ABHD12B: variants seen among roughly 807,000 people sequenced by gnomAD.
The protein encoded by ABHD12B is protein ABHD12B.
Under a neutral mutation model 50.4 loss-of-function variants are expected in ABHD12B, and 42 were observed. The ratio of observed to expected loss-of-function variants is 0.83; its 90% CI spans 0.65 to 1.08. ABHD12B has a LOEUF of 1.08. Ranked by LOEUF, ABHD12B falls within the 50% of genes least tolerant of loss-of-function variation. The pLI is 0.00. For missense variants in ABHD12B, 479 were observed against 447.7 expected, an observed-to-expected ratio of 1.07 and a Z score of -0.63; for synonymous variants, 167 against 160.3, an observed-to-expected ratio of 1.04 and a Z score of -0.32.
In ABHD12B at chr14:50,904,078, A is replaced by G. The variant is rs1179666368; in HGVS notation, c.947A>G (p.Tyr316Cys). ...GTCTCTTTCTGTCGCTTGCAGCTCT[A>G]TGAAATTGCACGCAATGCATACAGG... ...TVPLEYGKKL[Y>C]EIARNAYRNK... is the part of the protein sequence containing the mutation. The change falls in exon 12 of 13, where the codon TAT becomes TGT. Residue 316 changes from tyrosine (Y) to cysteine (C), a missense_variant. Coordinates refer to ENST00000337334, the MANE Select transcript of ABHD12B (RefSeq NM_001206673.2). The G allele has an allele frequency of 4.3e-6, 7 of 1,612,336 alleles. No individual in the cohort carries two copies. The highest frequency in any genetic ancestry group is 2.7e-5 in the African/African-American group (2 of 74,816).
intron 1 of ABHD12B, among the ~76,000 whole-genome samples, chr14:50,876,408 T>C (rs978224272): frequency 3.9e-5 from 6 of 152,208 alleles, no homozygotes; most frequent in Admixed American, 6.5e-5. Flanking sequence ...GGGAATTAAT[T>C]TTTTTAGAGG....
Position 50,872,055 on chromosome 14 carries a change from C to A in ABHD12B, c.-120C>A. 2 of 673,022 alleles carry A rather than the reference C, an allele frequency of 3.0e-6. No individual in the cohort carries two copies. The highest frequency in any genetic ancestry group is 5.2e-4 in the Middle Eastern group (1 of 1,906). 41.7% of individuals were successfully genotyped at this position (673,022 alleles called of 1,614,324 possible). On this transcript the variant is annotated 5_prime_UTR_variant, in exon 1 of 13. Transcript: ENST00000337334. ...GGCCGCGTCTCCCCCGCCGTACCAG[C>A]CTGCCTGACCGCGCGGAGGAGGAGG...
Position 50,873,687 on chromosome 14 carries a change from T to C in ABHD12B, c.104+1409T>C, listed in dbSNP as rs73284726. On this transcript the variant is annotated intron_variant, in intron 1 of 12. Coordinates refer to ENST00000337334, the MANE Select transcript of ABHD12B (RefSeq NM_001206673.2). Reference sequence around the variant, plus strand: ...ATATTAACAGGACTTCTCTCCCAGATGTGGTGATTCTGGGAACGTTGACAT... The same window carrying C: ...ATATTAACAGGACTTCTCTCCCAGACGTGGTGATTCTGGGAACGTTGACAT... 6.2e-3 allele frequency among the ~76,000 whole-genome samples: 951 copies of C among 152,340 alleles called. 13 individuals carry two copies. Among genetic ancestry groups the C allele is most frequent in the African/African-American group, 0.022 (914 of 41,566 alleles).
rs377112021 is a variant in ABHD12B at position 50,880,444 on chromosome 14, C to T, written c.336-8C>T. ...TCTACATTTGTTTAAACCTCCCTTG[C>T]TCTTCAGGCACACAGTCCCCAGCTG... On this transcript the variant is annotated splice_region_variant and splice_polypyrimidine_tract_variant and intron_variant, in intron 3 of 12. Transcript: ENST00000337334. 51 of 1,594,690 alleles carry T rather than the reference C, an allele frequency of 3.2e-5. No homozygotes were observed. Among genetic ancestry groups the T allele is most frequent in the Non-Finnish European group, 4.1e-5 (48 of 1,172,306 alleles).
chr14:50,874,736 A>G (rs1392505387), intron 1 of ABHD12B, among the ~76,000 whole-genome samples: 2 of 152,202 alleles, frequency 1.3e-5, no homozygotes, highest in African/African-American at 4.8e-5. Flanking sequence ...TGCTCAGAAA[A>G]TGTGCAGGAG....
At chr14:50,881,934 T>C (rs2049956861) in intron 5 of ABHD12B, among the ~76,000 whole-genome samples, 1 of 135,096 alleles carries the variant, frequency 7.4e-6, no homozygotes, top group South Asian at 2.3e-4. Context: ...GAGGTTTTTT[T>C]TGTTGTCGTT....
rs35439744 is a variant in ABHD12B, at chr14:50,884,702, CTTTTTTTTTTTTT to C, written c.487-892_487-880del. On this transcript the variant is annotated intron_variant, in intron 5 of 12. Transcript: ENST00000337334. ...TTCTTTATCTATGATTGTATTTCTTCTTTTTTTTTTTTTTTTTTTTTTTTTTTTTTTTGAGACA... is the reference window on the plus strand; with the variant it reads ...TTCTTTATCTATGATTGTATTTCTTCTTTTTTTTTTTTTTTTTTTGAGACA... 1.6e-5 allele frequency among the ~76,000 whole-genome samples: 2 copies of C among 126,594 alleles called. 1 individual carries two copies. Among genetic ancestry groups the C allele is most frequent in the Non-Finnish European group, 3.3e-5 (2 of 60,364 alleles). The allele number at this position is 126,594 out of a possible 152,430, so 83.1% of individuals were successfully genotyped here.
rs2050307919 is a variant in ABHD12B at position 50,904,680 on chromosome 14, G to T, written c.*314G>T. The T allele has an allele frequency of 2.3e-6, 1 of 437,668 alleles. No homozygotes were observed. Among genetic ancestry groups the T allele is most frequent in the African/African-American group, 2.0e-5 (1 of 50,614 alleles). The allele number at this position is 437,668 out of a possible 1,614,324, so 27.1% of individuals were successfully genotyped here. A position where few individuals can be genotyped will look rare whatever the true frequency, so the allele number is the denominator to read the frequency against. The stretch of plus-strand genomic sequence containing the variant: ...TCTGTGGATATTTGTGAATAAGGTA[G>T]TTGCTATGGTCCGAATATCTGGGCC... On this transcript the variant is annotated 3_prime_UTR_variant, in exon 13 of 13. Coordinates refer to ENST00000337334, the MANE Select transcript of ABHD12B (RefSeq NM_001206673.2).
chr14:50,883,490 A>G (rs925257548), intron 5 of ABHD12B, among the ~76,000 whole-genome samples: 1 of 152,064 alleles, frequency 6.6e-6, no homozygotes, highest in African/African-American at 2.4e-5. Flanking sequence ...TACCATGTTT[A>G]TTCATTTTTA....
intron 10 of ABHD12B, 52 bp from the exon 11 acceptor site, chr14:50,903,337 A>T: frequency 7.1e-7 from 1 of 1,405,472 alleles, no homozygotes; most frequent in Non-Finnish European, 1.0e-6. Context: ...GAAGAGGAGA[A>T]ATCTCAATGT....
chr14:50,892,491 G>A (rs2050133581), intron 9 of ABHD12B: 2 of 985,306 alleles, frequency 2.0e-6, no homozygotes, highest in African/African-American at 3.5e-5. Context: ...AGGGGCGGGA[G>A]GATGGCGTAA....
chr14:50,892,676 C>T, intron 9 of ABHD12B: 1 of 815,832 alleles, frequency 1.2e-6, no homozygotes, highest in Non-Finnish European at 1.5e-6. Flanking sequence ...TTCCCTTTCT[C>T]ATATGTTCTT....
chr14:50,877,979 C>G lies in ABHD12B; in HGVS notation c.132C>G (p.Leu44=). Residue 44 remains leucine, a synonymous_variant, in exon 2 of 13, where the codon CTC becomes CTG. Coordinates refer to ENST00000337334, the MANE Select transcript of ABHD12B (RefSeq NM_001206673.2). ...ATTTTCCACACTCCTGTTCAATGCT[C>G]GGAAGAAAAATTGCTGCTCTGTATG... ...LRYFPHSCSM[L]GRKIAALYDS... 1 of 1,533,738 alleles carries G rather than the reference C, an allele frequency of 6.5e-7. No homozygotes were observed. Among genetic ancestry groups the G allele is most frequent in the Non-Finnish European group, 8.7e-7 (1 of 1,146,084 alleles).
At chr14:50,879,199 CCTTGCTAA>C (rs2049904527) in intron 3 of ABHD12B, among the ~76,000 whole-genome samples, 1 of 152,222 alleles carries the variant, frequency 6.6e-6, no homozygotes, top group Non-Finnish European at 1.5e-5. Context: ...TTCCCTCTTG[CCTTGCTAA>C]CTGTCTACTC....
chr14:50,872,629 T>G (rs972499674), intron 1 of ABHD12B, among the ~76,000 whole-genome samples: 2 of 152,196 alleles, frequency 1.3e-5, no homozygotes, highest in Non-Finnish European at 1.5e-5. Flanking sequence ...ACAAGATGGA[T>G]CTGAATGACA....
At chr14:50,895,785 G>A (rs1031017738) in intron 9 of ABHD12B, 1 of 152,088 alleles carries the variant, frequency 6.6e-6, no homozygotes. Context: ...TTCTTTTCAA[G>A]GGCCTGTTTC....
At chr14:50,887,845 C>T (rs190573340) in intron 8 of ABHD12B, among the ~76,000 whole-genome samples, 92 of 152,248 alleles carry the variant, frequency 6.0e-4, no homozygotes, top group Middle Eastern at 3.4e-3. Context: ...GTACTAGGGT[C>T]CTCTTTTTTG....
At chr14:50,890,123 A>G (rs1431038781) in intron 9 of ABHD12B, among the ~76,000 whole-genome samples, 1 of 152,222 alleles carries the variant, frequency 6.6e-6, no homozygotes, top group Non-Finnish European at 1.5e-5. Context: ...TAGAAACTGA[A>G]CATTCATTTT....
Position 50,904,708 on chromosome 14 carries a change from C to CA in ABHD12B, c.*342_*343insA, listed in dbSNP as rs1481358315. ...GCTATGGTCCGAATATCTGGGCCTG[C>CA]CCCCCCAAATTATGCTGAAACCTAA... On this transcript the variant is annotated 3_prime_UTR_variant, in exon 13 of 13. Coordinates refer to ENST00000337334, the MANE Select transcript of ABHD12B (RefSeq NM_001206673.2). 2.4e-4 allele frequency: 88 copies of CA among 362,656 alleles called. No individual in the cohort carries two copies. The highest frequency in any genetic ancestry group is 1.7e-3 in the Middle Eastern group (2 of 1,178). The allele number at this position is 362,656 out of a possible 1,614,324, so 22.5% of individuals were successfully genotyped here. A position where few individuals can be genotyped will look rare whatever the true frequency, so the allele number is the denominator to read the frequency against.
Sources: gnomAD v4.1 joint callset for allele counts (sites outside exome capture counted in the v4.1 genomes callset) on GRCh38, gnomAD v4.1.1 for gene constraint, MANE v1.5 for transcripts, NCBI Gene and HGNC (gene_info 2026-07-23, HGNC 2026-07-21) for gene names.